The following COLQ variants were observed in gnomAD, a reference collection of about 807,000 sequenced individuals.
The protein encoded by COLQ is acetylcholinesterase collagenic tail peptide.
Under a neutral mutation model 69.0 loss-of-function variants are expected in COLQ, and 48 were observed. The ratio of observed to expected loss-of-function variants is 0.70; its 90% CI spans 0.55 to 0.88. The LOEUF is 0.88. COLQ is among the 40% of genes least tolerant of loss of function. The pLI is 0.00. For missense variants in COLQ, 618 were observed against 594.6 expected (o/e 1.04, Z -0.41); for synonymous variants, 217 against 211.2 (o/e 1.03, Z -0.24).
chr3:15,484,852 G>A (rs534869735), intron 3 of COLQ, among the ~76,000 whole-genome samples: 153 of 151,870 alleles, frequency 1.0e-3, no homozygotes, highest in Admixed American at 2.1e-3. Context: ...TCTTTAGCTC[G>A]GAGAAGTTTG....
At chr3:15,452,849 T>A (rs2125079876) in intron 16 of COLQ, among the ~76,000 whole-genome samples, 1 of 152,220 alleles carries the variant, frequency 6.6e-6, no homozygotes, top group South Asian at 2.1e-4. Flanking sequence ...GGAGACCCCC[T>A]TGGAAGAGAG....
chr3:15,503,020 G>A (rs1349520159), intron 1 of COLQ, among the ~76,000 whole-genome samples: 2 of 152,166 alleles, frequency 1.3e-5, no homozygotes, highest in Admixed American at 1.3e-4. Context: ...TACAGAATTG[G>A]GGTCAGAGTT....
At chr3:15,460,051 C>T (rs2062085845) in intron 12 of COLQ, among the ~76,000 whole-genome samples, 1 of 152,128 alleles carries the variant, frequency 6.6e-6, no homozygotes, top group Admixed American at 6.5e-5. Flanking sequence ...CTTTTTGAAT[C>T]CTCAGACTCT....
intron 1 of COLQ, among the ~76,000 whole-genome samples, chr3:15,515,692 G>T (rs1326142868): frequency 6.6e-6 from 1 of 152,130 alleles, no homozygotes; most frequent in African/African-American, 2.4e-5. Context: ...TGTAATCCCA[G>T]CTACTCCGGA....
chr3:15,489,638 C>CT lies in COLQ; in HGVS notation c.107-2dup, dbSNP rs2062631055. ...TTCTTCTGATCCAGGCTGGGAAGGG[C>CT]TGTTCAGAGAAAACTGCCGCTCGTT... On this transcript the variant is annotated splice_acceptor_variant, in intron 1 of 16. Transcript: ENST00000383788. LOFTEE classifies it high-confidence loss of function. 1 of 1,613,854 alleles carries CT rather than the reference C, an allele frequency of 6.2e-7. No individual in the cohort carries two copies. Among genetic ancestry groups the CT allele is most frequent in the Non-Finnish European group, 8.5e-7 (1 of 1,179,836 alleles).
In COLQ at chr3:15,475,065, G is replaced by T. The variant is rs748964215; in HGVS notation, c.529-114C>A. The T allele has an allele frequency of 1.4e-5, 16 of 1,122,410 alleles. No homozygotes were observed. The East Asian group carries it at 3.8e-4, about 26-fold the overall frequency. 69.5% of individuals were successfully genotyped at this position (1,122,410 alleles called of 1,614,324 possible). A position where few individuals can be genotyped will look rare whatever the true frequency, so the allele number is the denominator to read the frequency against. The stretch of plus-strand genomic sequence containing the variant: ...GTAAGGTATGTCTCCACATTGCACT[G>T]TGAGTTTTAGTGGGGTTGCAGCACC... On this transcript the variant is annotated intron_variant, in intron 7 of 16. Transcript: ENST00000383788.
Position 15,473,944 on chromosome 3 carries a change from T to G in COLQ, c.636+56A>C. ...GGAGGCAGAGTTCTTTTTGTTGTGCTTGGAGGACCTGATATTTTTATTGAG... is the reference window on the plus strand; with the variant it reads ...GGAGGCAGAGTTCTTTTTGTTGTGCGTGGAGGACCTGATATTTTTATTGAG... On this transcript the variant is annotated intron_variant, in intron 10 of 16. Coordinates refer to ENST00000383788, the MANE Select transcript of COLQ (RefSeq NM_005677.4). This position sits in a 1 kb window ranked among gnomAD's most constrained non-coding sequence, Gnocchi z 4.0. 6.3e-7 allele frequency: 1 copy of G among 1,582,302 alleles called. No homozygotes were observed. The highest frequency in any genetic ancestry group is 8.7e-7 in the Non-Finnish European group (1 of 1,151,772).
intron 1 of COLQ, 135 bp downstream of exon 1, chr3:15,521,385 G>T: frequency 8.7e-7 from 1 of 1,151,264 alleles, no homozygotes; most frequent in Non-Finnish European, 1.3e-6. Context: ...AGCTGCTGGG[G>T]TGGCCGTCTT....
intron 1 of COLQ, among the ~76,000 whole-genome samples, chr3:15,512,230 G>A (rs79778927): frequency 0.016 from 2,366 of 152,288 alleles, 60 homozygotes; most frequent in African/African-American, 0.051. Flanking sequence ...GACTCACACC[G>A]ATGCTTCCTT....
Position 15,479,277 on chromosome 3 carries a change from G to A in COLQ, c.366+61C>T, listed in dbSNP as rs963141039. ...TCAACTAGGAAATTCTCAGTGGGAT[G>A]CCCAGAAAACAGGCTGGAATTGCCA... On this transcript the variant is annotated intron_variant, in intron 4 of 16. Transcript: ENST00000383788. The A allele has an allele frequency of 3.3e-5, 50 of 1,531,578 alleles. No homozygotes were observed. In the African/African-American group the frequency reaches 5.7e-4, roughly 18 times the overall value. The allele number at this position is 1,531,578 out of a possible 1,614,324, so 94.9% of individuals were successfully genotyped here.
Position 15,456,586 on chromosome 3 carries a change from G to C in COLQ, c.955-7C>G, listed in dbSNP as rs762298520. On this transcript the variant is annotated splice_region_variant and splice_polypyrimidine_tract_variant and intron_variant, in intron 13 of 16. Coordinates refer to ENST00000383788, the MANE Select transcript of COLQ (RefSeq NM_005677.4). ...GGTTGTTGACCACAAAAATCTGCCA[G>C]AGAACACACTGGTGAGGATTCCAGA... 6.2e-7 allele frequency: 1 copy of C among 1,613,936 alleles called. No homozygotes were observed. The highest frequency in any genetic ancestry group is 1.1e-5 in the South Asian group (1 of 91,080).
intron 8 of COLQ, 128 bp downstream of exon 8, chr3:15,474,797 G>T: frequency 9.0e-7 from 1 of 1,111,258 alleles, no homozygotes; most frequent in Non-Finnish European, 1.4e-6. Flanking sequence ...AAAGGGTGGG[G>T]AATAGCTAGG....
chr3:15,516,962 C>A (rs973927693), intron 1 of COLQ, among the ~76,000 whole-genome samples: 10 of 152,138 alleles, frequency 6.6e-5, no homozygotes, highest in African/African-American at 1.9e-4. Context: ...GCCAACATGG[C>A]AAAACCCCAT....
intron 9 of COLQ, 61 bp from the exon 10 acceptor site, chr3:15,474,096 G>T: frequency 6.2e-7 from 1 of 1,610,730 alleles, no homozygotes. Context: ...AATGGCTGTG[G>T]ACAGGCTTTG....
rs766821521 is a variant in COLQ, at chr3:15,458,231, G to A, written c.909C>T (p.Ser303=). Residue 303 remains serine, a synonymous_variant, in exon 13 of 17, where the codon TCC becomes TCT. Transcript: ENST00000383788. ...CGPTMNVNNP[S]YGESVYGPSS... The stretch of plus-strand genomic sequence containing the variant: ...TGGGCCCATACACAGATTCCCCGTA[G>A]GAAGGGTTATTCACATTCATAGTGG... 6.2e-7 allele frequency: 1 copy of A among 1,614,136 alleles called. No homozygotes were observed.
Position 15,455,954 on chromosome 3 carries a change from C to T in COLQ, c.1140G>A (p.Leu380=). The change falls in exon 15 of 17, where the codon CTG becomes CTA. Residue 380 remains leucine (L), a synonymous_variant. Transcript: ENST00000383788. ...DQHGTCGDGL[L]QPGEECDDGN... is the part of the protein sequence containing the mutation. ...CGTCGTCACACTCCTCCCCAGGCTG[C>T]AGGAGCCCATCCCCACAGGTGCCGT... 2 of 1,613,756 alleles carry T rather than the reference C, an allele frequency of 1.2e-6. No homozygotes were observed. The highest frequency in any genetic ancestry group is 1.7e-6 in the Non-Finnish European group (2 of 1,179,862).
Position 15,454,152 on chromosome 3 carries a change from C to T in COLQ, c.1196-221G>A, listed in dbSNP as rs3773457. Among the ~76,000 whole-genome samples, 9,218 of 152,202 alleles carry T rather than the reference C, an allele frequency of 0.061. 411 individuals are homozygous for T. Among genetic ancestry groups the T allele is most frequent in the Admixed American group, 0.14 (2,132 of 15,292 alleles). On this transcript the variant is annotated intron_variant, in intron 15 of 16. Transcript: ENST00000383788. ...AAGAAGGAGATCCTGGCTCCAGCCC[C>T]GCCTCACAACTTACTAGCTGAGGGG...
intron 11 of COLQ, 86 bp downstream of exon 11, chr3:15,470,450 G>T: frequency 8.1e-7 from 1 of 1,230,112 alleles, no homozygotes; most frequent in South Asian, 1.2e-5. Flanking sequence ...GAATATCTCT[G>T]ATTAACGCCA....
Position 15,451,618 on chromosome 3 carries a change from C to G in COLQ, c.*26G>C. 6.2e-7 allele frequency: 1 copy of G among 1,610,676 alleles called. No homozygotes were observed. Among genetic ancestry groups the G allele is most frequent in the South Asian group, 1.1e-5 (1 of 91,020 alleles). On this transcript the variant is annotated 3_prime_UTR_variant, in exon 17 of 17. Coordinates refer to ENST00000383788, the MANE Select transcript of COLQ (RefSeq NM_005677.4). ...AGAAGCTGCTGCCAGTTCTGTGGGG[C>G]GCAGCCCACCTTCTCCTCACGGCCC...
Sources: allele counts gnomAD v4.1 joint callset (sites outside exome capture counted in the v4.1 genomes callset), GRCh38; gene constraint gnomAD v4.1.1; non-coding constraint Gnocchi (gnomAD v3.1); transcripts MANE v1.5; gene names NCBI Gene and HGNC (gene_info 2026-07-23, HGNC 2026-07-21).